VPS16: variants seen among roughly 807,000 people sequenced by gnomAD.
The protein encoded by VPS16 is VPS16 core subunit of CORVET and HOPS complexes.
In VPS16, 82 loss-of-function variants were observed where a neutral mutation model predicts 116.0. The observed-to-expected ratio is 0.71, with a 90% CI of 0.59 to 0.85. The LOEUF (loss-of-function observed/expected upper bound fraction) is 0.85. VPS16 is among the 40% of genes least tolerant of loss of function. The pLI, the probability that VPS16 is intolerant of heterozygous loss-of-function variation, is 0.00. For missense variants in VPS16, 928 were observed against 1,090.6 expected (o/e 0.85, Z 2.10); for synonymous variants, 406 against 420.7 (o/e 0.96, Z 0.43).
chr20:2,843,716 C>T (rs2146641089), intron 1 of VPS16, among the ~76,000 whole-genome samples: 1 of 152,280 alleles, frequency 6.6e-6, no homozygotes, highest in African/African-American at 2.4e-5. Context: ...CTCATTACCA[C>T]AGAGCTCTTA....
intron 1 of VPS16, among the ~76,000 whole-genome samples, chr20:2,845,535 G>A (rs534717873): frequency 6.7e-6 from 1 of 150,216 alleles, no homozygotes; most frequent in Non-Finnish European, 1.5e-5. Context: ...TTTCAAAAAA[G>A]TCAGCTGTGT....
chr20:2,850,175 T>C (rs1030567862), intron 1 of VPS16, among the ~76,000 whole-genome samples: 1 of 151,928 alleles, frequency 6.6e-6, no homozygotes, highest in African/African-American at 2.4e-5. Flanking sequence ...TACAAAAAAT[T>C]AGCCAGGCGT....
intron 1 of VPS16, among the ~76,000 whole-genome samples, chr20:2,850,249 T>C (rs1457824657): frequency 6.6e-6 from 1 of 151,714 alleles, no homozygotes; most frequent in African/African-American, 2.4e-5. Context: ...CCTTGAACCT[T>C]GGAGGCAGAG....
chr20:2,845,044 T>TGTG (rs1314451374), intron 1 of VPS16, among the ~76,000 whole-genome samples: 13 of 106,994 alleles, frequency 1.2e-4, no homozygotes, highest in Admixed American at 5.0e-4. Context: ...GTGTGTGTGT[T>TGTG]TTAAGTTCCT....
intron 1 of VPS16, among the ~76,000 whole-genome samples, chr20:2,856,231 G>A (rs1000918801): frequency 3.9e-5 from 6 of 152,304 alleles, no homozygotes; most frequent in East Asian, 3.9e-4. Context: ...GGAACGGCTC[G>A]TTGGTGGAGC....
chr20:2,844,413 G>C (rs1474746644), intron 1 of VPS16, among the ~76,000 whole-genome samples: 1 of 152,208 alleles, frequency 6.6e-6, no homozygotes, highest in Non-Finnish European at 1.5e-5. Flanking sequence ...ACGGTGACCA[G>C]TTCTTATGGG....
chr20:2,847,795 T>A (rs892837822), intron 1 of VPS16, among the ~76,000 whole-genome samples: 20 of 152,076 alleles, frequency 1.3e-4, no homozygotes, highest in African/African-American at 4.8e-4. Context: ...TCTCTTACCA[T>A]AAGCTCTTGT....
intron 1 of VPS16, among the ~76,000 whole-genome samples, chr20:2,858,135 C>T (rs541622303): frequency 1.1e-4 from 17 of 151,578 alleles, no homozygotes; most frequent in East Asian, 1.9e-4. Flanking sequence ...CACTTTGTCA[C>T]CCAGGCTGGA....
chr20:2,863,366 A>G lies in VPS16; in HGVS notation c.1444A>G (p.Ser482Gly). The G allele has an allele frequency of 6.2e-7, 1 of 1,614,234 alleles. No homozygotes were observed. Among genetic ancestry groups the G allele is most frequent in the Non-Finnish European group, 8.5e-7 (1 of 1,180,028 alleles). The change falls in exon 15 of 24, where the codon AGC (serine) becomes GGC (glycine). Residue 482 changes from serine to glycine, a missense_variant. Coordinates refer to ENST00000380445, the MANE Select transcript of VPS16 (RefSeq NM_022575.4). The surrounding 1 kb of genome is among the most constrained non-coding windows in gnomAD (Gnocchi z 4.4). ...GCGCCTTCCTGAAGTACAGGGCGTC[A>G]GCAGGATCCTGGCCCACTGGGCCTG... ...YLRLPEVQGV[S>G]RILAHWACYK...
At chr20:2,853,344 G>A (rs6037423) in intron 1 of VPS16, among the ~76,000 whole-genome samples, 77,637 of 151,710 alleles carry the variant, frequency 0.51, 22,653 homozygotes, top group African/African-American at 0.79. Flanking sequence ...AGCCGAGATC[G>A]TGCCACTGCA....
In VPS16 at chr20:2,866,693, A is replaced by G. The variant is rs2089355019; in HGVS notation, c.*119A>G. 2 of 1,440,012 alleles carry G rather than the reference A, an allele frequency of 1.4e-6. No individual in the cohort carries two copies. Among genetic ancestry groups the G allele is most frequent in the Non-Finnish European group, 1.9e-6 (2 of 1,060,638 alleles). The allele number at this position is 1,440,012 out of a possible 1,614,324, so 89.2% of individuals were successfully genotyped here. ...CAATGCTGAGGAGCGGGGGCATGGT[A>G]GCAGGGCTGTCTGGTTTTAAATAAA... is the stretch of plus-strand genomic sequence containing the variant. On this transcript the variant is annotated 3_prime_UTR_variant, in exon 24 of 24. Transcript: ENST00000380445.
intron 1 of VPS16, 122 bp downstream of exon 1, chr20:2,840,949 C>T: frequency 1.0e-6 from 1 of 981,726 alleles, no homozygotes; most frequent in Non-Finnish European, 1.5e-6. Context: ...GCCGGCTCTC[C>T]CCGAGCGTCT....
At chr20:2,866,104 C>CAT in intron 22 of VPS16, 108 bp from the exon 23 acceptor site, 1 of 933,052 alleles carries the variant, frequency 1.1e-6, no homozygotes, top group Non-Finnish European at 1.7e-6. Context: ...CGGGTGTATA[C>CAT]ATATAGAATA....
At chr20:2,859,980 G>A (rs1014609432) in intron 2 of VPS16, 74 bp from the exon 3 acceptor site, 2 of 1,581,820 alleles carry the variant, frequency 1.3e-6, no homozygotes, top group African/African-American at 2.7e-5. Flanking sequence ...GGCCTGGGGA[G>A]CCAGGATGTG....
In VPS16 at chr20:2,863,872, G is replaced by T. The variant is rs1343092074; in HGVS notation, c.1477-77G>T. 1.3e-6 allele frequency: 2 copies of T among 1,557,394 alleles called. No individual in the cohort carries two copies. The highest frequency in any genetic ancestry group is 2.3e-5 in the East Asian group (1 of 44,082). ...GGGAGGGAGGAAGGGAACTGAAGGG[G>T]TGGGTCCTAAGGGCTTGCAGGAGTG... On this transcript the variant is annotated intron_variant, in intron 15 of 23. Coordinates refer to ENST00000380445, the MANE Select transcript of VPS16 (RefSeq NM_022575.4). The surrounding 1 kb of genome is among the most constrained non-coding windows in gnomAD (Gnocchi z 4.4).
At chr20:2,861,560 G>A in intron 8 of VPS16, 55 bp from the exon 9 acceptor site, 2 of 1,549,700 alleles carry the variant, frequency 1.3e-6, no homozygotes, top group South Asian at 2.4e-5. Context: ...GAGCAGCCAT[G>A]TGGGAGACAT....
chr20:2,866,638 GC>G lies in VPS16; in HGVS notation c.*66del. The G allele has an allele frequency of 6.3e-7, 1 of 1,593,846 alleles. No homozygotes were observed. ...CCTAGCACCTGGGCTTGGCAGAAGG[GC>G]CATAGTTCATCCAGCTCCTCCCCTA... On this transcript the variant is annotated 3_prime_UTR_variant, in exon 24 of 24. Transcript: ENST00000380445.
chr20:2,864,110 A>G lies in VPS16; in HGVS notation c.1611+27A>G, dbSNP rs751442454. On this transcript the variant is annotated intron_variant, in intron 16 of 23. Coordinates refer to ENST00000380445, the MANE Select transcript of VPS16 (RefSeq NM_022575.4). The surrounding 1 kb of genome is among the most constrained non-coding windows in gnomAD (Gnocchi z 5.2). ...TGTGGGTGCCCAGCCCTCCACAGAC[A>G]CTCTGATGTGGTTGTTCAGGGCCCC... 6.2e-7 allele frequency: 1 copy of G among 1,613,296 alleles called. No individual in the cohort carries two copies. Among genetic ancestry groups the G allele is most frequent in the South Asian group, 1.1e-5 (1 of 91,040 alleles).
Position 2,849,330 on chromosome 20 carries a change from T to C in VPS16, c.53+8503T>C, listed in dbSNP as rs370373696. ...TTTTTTTTTTTTTGAGGCGGAGTTT[T>C]GCTCTTATTGTCCAGACTGTAGTGC... On this transcript the variant is annotated intron_variant, in intron 1 of 23. Transcript: ENST00000380445. Among the ~76,000 whole-genome samples the C allele has an allele frequency of 1.3e-4, 20 of 151,596 alleles. No individual in the cohort carries two copies. In the East Asian group the frequency reaches 2.7e-3, roughly 20 times the overall value.
Sources: gnomAD v4.1 joint callset for allele counts (sites outside exome capture counted in the v4.1 genomes callset) on GRCh38, gnomAD v4.1.1 for gene constraint, Gnocchi (gnomAD v3.1) non-coding constraint, MANE v1.5 for transcripts, NCBI Gene and HGNC (gene_info 2026-07-23, HGNC 2026-07-21) for gene names.